Variants in GULP1 observed in about 807,000 individuals in gnomAD.
GULP1 encodes the protein PTB domain-containing engulfment adapter protein 1.
GULP1 carries 19 observed loss-of-function variants against 40.9 expected under a neutral mutation model. The observed-to-expected ratio is 0.46, with a 90% confidence interval of 0.32 to 0.68. The LOEUF (loss-of-function observed/expected upper bound fraction) is 0.68. Ranked by LOEUF, GULP1 falls within the 30% of genes least tolerant of loss-of-function variation. GULP1 has a pLI of 0.03. For synonymous variants in GULP1, 119 were observed against 117.6 expected (o/e 1.01, Z -0.08); for missense variants, 312 against 362.2 (o/e 0.86, Z 1.12).
intron 1 of GULP1, among the ~76,000 whole-genome samples, chr2:188,336,623 A>G (rs943547823): frequency 5.3e-5 from 8 of 152,176 alleles, no homozygotes; most frequent in African/African-American, 1.9e-4. Context: ...GGTGGGAGAC[A>G]TCCATGGATG....
chr2:188,589,954 T>G, intron 11 of GULP1: 1 of 327,920 alleles, frequency 3.0e-6, no homozygotes, highest in Non-Finnish European at 5.4e-6. Flanking sequence ...CATTGTTCAC[T>G]TCATTGTTTC....
intron 2 of GULP1, among the ~76,000 whole-genome samples, chr2:188,433,331 T>C (rs1039531815): frequency 6.6e-6 from 1 of 152,168 alleles, no homozygotes; most frequent in African/African-American, 2.4e-5. Context: ...TAGATTTCAG[T>C]GTAGTGGAAC....
intron 4 of GULP1, among the ~76,000 whole-genome samples, chr2:188,512,325 T>C (rs930752313): frequency 1.3e-5 from 2 of 152,102 alleles, no homozygotes; most frequent in Non-Finnish European, 2.9e-5. Context: ...CTTGAAGCAA[T>C]ATAAAACTTT....
At chr2:188,538,537 T>C (rs1250326437) in intron 6 of GULP1, among the ~76,000 whole-genome samples, 1 of 152,126 alleles carries the variant, frequency 6.6e-6, no homozygotes, top group Admixed American at 6.6e-5. Context: ...ATATAGAGTA[T>C]ATGACTATTT....
chr2:188,473,982 G>A (rs771035745), intron 2 of GULP1, among the ~76,000 whole-genome samples: 1 of 152,166 alleles, frequency 6.6e-6, no homozygotes, highest in Non-Finnish European at 1.5e-5. Flanking sequence ...GGGCTCTTCA[G>A]TTAGTAGGTA....
intron 1 of GULP1, among the ~76,000 whole-genome samples, chr2:188,313,180 A>C (rs1439057192): frequency 1.3e-5 from 2 of 152,086 alleles, no homozygotes; most frequent in African/African-American, 4.8e-5. Flanking sequence ...CGTTTTTGTT[A>C]TGAAGTCTTT....
At chr2:188,508,161 A>T (rs1204303849) in intron 4 of GULP1, among the ~76,000 whole-genome samples, 1 of 151,998 alleles carries the variant, frequency 6.6e-6, no homozygotes, top group Non-Finnish European at 1.5e-5. Flanking sequence ...AAGGAAAATC[A>T]AATAGAATCA....
chr2:188,316,831 T>A (rs2039156931), intron 1 of GULP1, among the ~76,000 whole-genome samples: 1 of 152,140 alleles, frequency 6.6e-6, no homozygotes, highest in Non-Finnish European at 1.5e-5. Flanking sequence ...TTGTTTATAT[T>A]CCTAGGAACC....
intron 2 of GULP1, among the ~76,000 whole-genome samples, chr2:188,402,857 C>G (rs541113007): frequency 6.0e-4 from 92 of 152,160 alleles, no homozygotes; most frequent in African/African-American, 2.1e-3. Context: ...CAGGCACTGT[C>G]CTAAGCTGTC....
intron 1 of GULP1, among the ~76,000 whole-genome samples, chr2:188,351,834 T>C (rs980944378): frequency 1.3e-5 from 2 of 152,186 alleles, no homozygotes; most frequent in Admixed American, 1.3e-4. Flanking sequence ...TCGTATTAAA[T>C]TTCTTCATTT....
chr2:188,507,391 G>C (rs1028029570), intron 4 of GULP1, among the ~76,000 whole-genome samples: 1 of 94,546 alleles, frequency 1.1e-5, no homozygotes, highest in East Asian at 3.6e-4. Flanking sequence ...AATACCATTT[G>C]TTTTCTTTTT....
intron 2 of GULP1, among the ~76,000 whole-genome samples, chr2:188,402,289 T>A (rs1015483773): frequency 6.6e-6 from 1 of 152,110 alleles, no homozygotes; most frequent in Admixed American, 6.5e-5. Flanking sequence ...TGATCATTGC[T>A]TAGGTATTAT....
At chr2:188,421,985 TTTATTG>T (rs2055491323) in intron 2 of GULP1, among the ~76,000 whole-genome samples, 1 of 152,030 alleles carries the variant, frequency 6.6e-6, no homozygotes, top group Non-Finnish European at 1.5e-5. Flanking sequence ...GTTTTTATAT[TTTATTG>T]TACTTATTTA....
chr2:188,488,019 A>C (rs1011037599), intron 4 of GULP1, among the ~76,000 whole-genome samples: 2 of 152,050 alleles, frequency 1.3e-5, no homozygotes, highest in Admixed American at 1.3e-4. Context: ...AAAATATGTA[A>C]TATCAGATGT....
At chr2:188,533,099 C>T (rs959607337) in intron 6 of GULP1, among the ~76,000 whole-genome samples, 1 of 152,054 alleles carries the variant, frequency 6.6e-6, no homozygotes, top group African/African-American at 2.4e-5. Context: ...ATTCCTTATA[C>T]CTGCTCTCCT....
chr2:188,552,237 C>G (rs1282610616), intron 7 of GULP1, among the ~76,000 whole-genome samples: 1 of 151,654 alleles, frequency 6.6e-6, no homozygotes, highest in Non-Finnish European at 1.5e-5. Flanking sequence ...GTCATAAATT[C>G]TCTGCCTAGC....
rs558252442 is a variant in GULP1, at chr2:188,507,497, G to A, written c.91-15259G>A. Among the ~76,000 whole-genome samples the A allele has an allele frequency of 7.3e-5, 11 of 150,568 alleles. No individual in the cohort carries two copies. In the Middle Eastern group the frequency reaches 0.01, roughly 141 times the overall value. The stretch of plus-strand genomic sequence containing the variant: ...ACTAGGTTAGCCCTGAAATGAGATG[G>A]AATAAGTATCATGACTCTAACGCTA... On this transcript the variant is annotated intron_variant, in intron 4 of 11. Transcript: ENST00000409830.
intron 2 of GULP1, among the ~76,000 whole-genome samples, chr2:188,387,671 T>C (rs1359979916): frequency 1.3e-5 from 2 of 152,190 alleles, no homozygotes; most frequent in East Asian, 3.9e-4. Flanking sequence ...GAGAGTCAAC[T>C]TGGAGCAAAG....
intron 2 of GULP1, among the ~76,000 whole-genome samples, chr2:188,464,951 G>A (rs901576870): frequency 1.3e-5 from 2 of 152,102 alleles, no homozygotes. Flanking sequence ...TGCCATCCAA[G>A]AGTCAAGTCC....
Sources: allele counts gnomAD v4.1 joint callset (sites outside exome capture counted in the v4.1 genomes callset), GRCh38; gene constraint gnomAD v4.1.1; transcripts MANE v1.5; gene names NCBI Gene and HGNC (gene_info 2026-07-23, HGNC 2026-07-21).